PHACTR3: variants seen among roughly 807,000 people sequenced by gnomAD.
The protein encoded by PHACTR3 is phosphatase and actin regulator 3, also known as protein phosphatase 1, regulatory subunit 123.
PHACTR3 carries 16 observed loss-of-function variants against 66.8 expected under a neutral mutation model. That is an observed-to-expected ratio of 0.24 (90% CI 0.16 to 0.36). PHACTR3 has a LOEUF of 0.36. Among genes scored for constraint, PHACTR3 ranks in the 10% least tolerant of loss-of-function variants. The probability of loss-of-function intolerance (pLI) is 1.00; values close to 1 mark genes in which losing one functional copy is unlikely to be tolerated. For synonymous variants in PHACTR3, 323 were observed against 292.1 expected, an observed-to-expected ratio of 1.11 and a Z score of -1.08; for missense variants, 647 against 719.9, an observed-to-expected ratio of 0.90 and a Z score of 1.16.
intron 2 of PHACTR3, 109 bp downstream of exon 2, chr20:59,743,377 GC>G (rs779197736): frequency 9.2e-5 from 127 of 1,385,996 alleles, no homozygotes; most frequent in Non-Finnish European, 1.2e-4. Flanking sequence ...CACAGGAGGG[GC>G]AGATGTGCTT....
intron 5 of PHACTR3, among the ~76,000 whole-genome samples, chr20:59,769,406 C>G (rs2040290967): frequency 6.6e-6 from 1 of 152,234 alleles, no homozygotes; most frequent in Non-Finnish European, 1.5e-5. Flanking sequence ...ACAGGACACA[C>G]AGGGATGGGA....
chr20:59,691,381 A>G (rs929059810), intron 1 of PHACTR3, among the ~76,000 whole-genome samples: 3 of 152,228 alleles, frequency 2.0e-5, no homozygotes, highest in African/African-American at 7.2e-5. Flanking sequence ...TTAGATTGCC[A>G]TCAATTGTCC....
chr20:59,749,123 G>A lies in PHACTR3; in HGVS notation c.358+1288G>A, dbSNP rs183018667. 4.6e-5 allele frequency among the ~76,000 whole-genome samples: 7 copies of A among 152,268 alleles called. No individual in the cohort carries two copies. In the East Asian group the frequency reaches 5.8e-4, roughly 13 times the overall value. ...CTCAGATGGTTAACGCCGTCGTGAC[G>A]CTCGGATTTGGCGGAATGCGGTTGC... On this transcript the variant is annotated intron_variant, in intron 3 of 12. Coordinates refer to ENST00000371015, the MANE Select transcript of PHACTR3 (RefSeq NM_080672.5).
chr20:59,664,560 CCTT>C (rs1263876247), intron 1 of PHACTR3, among the ~76,000 whole-genome samples: 1 of 152,198 alleles, frequency 6.6e-6, no homozygotes, highest in Non-Finnish European at 1.5e-5. Flanking sequence ...ACAGCCTTGA[CCTT>C]CTCCTACACC....
At chr20:59,622,107 T>A (rs2034262180) in intron 1 of PHACTR3, among the ~76,000 whole-genome samples, 1 of 144,126 alleles carries the variant, frequency 6.9e-6, no homozygotes, top group Admixed American at 6.9e-5. Context: ...CAAGTATGTG[T>A]TTGTGTGTGC....
chr20:59,746,604 T>TA (rs1400657891), intron 2 of PHACTR3, among the ~76,000 whole-genome samples: 1 of 152,232 alleles, frequency 6.6e-6, no homozygotes, highest in African/African-American at 2.4e-5. Context: ...CAGGAAATGC[T>TA]TTTGAGTAAG....
intron 1 of PHACTR3, among the ~76,000 whole-genome samples, chr20:59,695,531 G>T (rs1488774928): frequency 6.6e-6 from 1 of 152,152 alleles, no homozygotes; most frequent in African/African-American, 2.4e-5. Flanking sequence ...CCAGTCTCAG[G>T]TAGTTCTTTA....
intron 1 of PHACTR3, among the ~76,000 whole-genome samples, chr20:59,670,608 G>GGGA (rs2036159705): frequency 7.2e-6 from 1 of 138,202 alleles, no homozygotes; most frequent in Non-Finnish European, 1.6e-5. Context: ...CCGGGGGTGG[G>GGGA]GGGGGGGGGC....
chr20:59,683,736 C>G (rs1331161810), intron 1 of PHACTR3, among the ~76,000 whole-genome samples: 1 of 152,172 alleles, frequency 6.6e-6, no homozygotes, highest in Non-Finnish European at 1.5e-5. Context: ...CAAACTAAGA[C>G]TCTCCTCTTG....
Position 59,742,478 on chromosome 20 carries a change from G to GTGCTCACAGACA in PHACTR3, c.119-622_119-621insAGACATGCTCAC, listed in dbSNP as rs1555829285. On this transcript the variant is annotated intron_variant, in intron 1 of 12. Transcript: ENST00000371015. ...CCTGCTCACAGACGTGCTCACAGAC[G>GTGCTCACAGACA]TGCTCACTCTGCAGCCGTTTGCTCA... is the stretch of plus-strand genomic sequence containing the variant. 4.7e-5 allele frequency among the ~76,000 whole-genome samples: 7 copies of GTGCTCACAGACA among 150,278 alleles called. No homozygotes were observed. The East Asian group carries it at 9.8e-4, about 21-fold the overall frequency.
At chr20:59,619,747 G>T (rs552169472) in intron 1 of PHACTR3, among the ~76,000 whole-genome samples, 5 of 152,278 alleles carry the variant, frequency 3.3e-5, no homozygotes, top group Admixed American at 2.6e-4. Flanking sequence ...GGGGAGGGAA[G>T]TTTATTGCTT....
intron 1 of PHACTR3, among the ~76,000 whole-genome samples, chr20:59,621,715 T>TG (rs2034247078): frequency 6.6e-6 from 1 of 152,200 alleles, no homozygotes; most frequent in African/African-American, 2.4e-5. Flanking sequence ...CACAGGCCAC[T>TG]GGCCCCTGGG....
intron 1 of PHACTR3, among the ~76,000 whole-genome samples, chr20:59,680,341 C>T (rs547996843): frequency 1.7e-3 from 256 of 151,990 alleles, no homozygotes; most frequent in Admixed American, 3.1e-3. Context: ...CATACAGAAA[C>T]GGTCCAGTGG....
In PHACTR3 at chr20:59,747,778, G is replaced by C. The variant is rs779516285; in HGVS notation, c.301G>C (p.Gly101Arg). 1 of 1,613,986 alleles carries C rather than the reference G, an allele frequency of 6.2e-7. No individual in the cohort carries two copies. The highest frequency in any genetic ancestry group is 1.7e-5 in the Admixed American group (1 of 60,022). Residue 101 changes from glycine (G) to arginine (R), a missense_variant, in exon 3 of 13, where the codon GGC becomes CGC. This residue lies in a region of PHACTR3 where 577 missense variants were observed against 571.1 expected (regional missense o/e 1.01). Transcript: ENST00000371015. The part of the protein sequence containing the change: ...TTSALEKKMA[G>R]RQGREELIKK... ...GGCAGCGCTGGAGAAGAAGATGGCC[G>C]GCAGGCAAGGCCGAGAGGAGCTCAT...
chr20:59,682,241 G>A lies in PHACTR3; in HGVS notation c.119-60866G>A, dbSNP rs1264054490. Among the ~76,000 whole-genome samples, 9 of 152,184 alleles carry A rather than the reference G, an allele frequency of 5.9e-5. No homozygotes were observed. The East Asian group carries it at 1.7e-3, about 29-fold the overall frequency. ...TGTAGTCCCAGCTACTCGGCAGGCT[G>A]AGGCAGGAGAATCGCTCCAACCCAG... On this transcript the variant is annotated intron_variant, in intron 1 of 12. Coordinates refer to ENST00000371015, the MANE Select transcript of PHACTR3 (RefSeq NM_080672.5).
chr20:59,593,876 C>T (rs2426796), intron 1 of PHACTR3, among the ~76,000 whole-genome samples: 38,782 of 152,132 alleles, frequency 0.25, 5,598 homozygotes, highest in Non-Finnish European at 0.34. Flanking sequence ...TGTTTTTCTG[C>T]CAGTATCACA....
intron 7 of PHACTR3, among the ~76,000 whole-genome samples, chr20:59,779,423 A>G (rs921132999): frequency 2.0e-5 from 3 of 152,194 alleles, no homozygotes; most frequent in East Asian, 1.9e-4. Flanking sequence ...GGTGCAGACA[A>G]TGGTGAATAA....
intron 1 of PHACTR3, among the ~76,000 whole-genome samples, chr20:59,706,170 C>G (rs990916642): frequency 2.0e-5 from 3 of 152,170 alleles, no homozygotes; most frequent in African/African-American, 4.8e-5. Context: ...AATTCCCTGA[C>G]GAACTCAAAC....
intron 1 of PHACTR3, among the ~76,000 whole-genome samples, chr20:59,657,165 C>T (rs2035644742): frequency 6.6e-6 from 1 of 151,976 alleles, no homozygotes; most frequent in Non-Finnish European, 1.5e-5. Flanking sequence ...CATTTTCTTA[C>T]TCCAATTCAT....
Sources: gnomAD v4.1 joint callset for allele counts (sites outside exome capture counted in the v4.1 genomes callset) on GRCh38, gnomAD v4.1.1 for gene constraint, gnomAD v4.1.1 regional missense constraint, MANE v1.5 for transcripts, NCBI Gene and HGNC (gene_info 2026-07-23, HGNC 2026-07-21) for gene names.